The following UFSP2 variants were observed in gnomAD, a reference collection of about 807,000 sequenced individuals.
UFSP2 encodes the protein UFM1 specific peptidase 2, also known as ufm1-specific protease 2.
Under a neutral mutation model 60.2 loss-of-function variants are expected in UFSP2, and 43 were observed. That is an observed-to-expected ratio of 0.71 (90% CI 0.56 to 0.92). The LOEUF (loss-of-function observed/expected upper bound fraction) is 0.92. UFSP2 is among the 40% of genes least tolerant of loss of function. The pLI is 0.00. For synonymous variants in UFSP2, 183 were observed against 195.1 expected (o/e 0.94, Z 0.52); for missense variants, 520 against 575.0 (o/e 0.90, Z 0.98).
At chr4:185,419,307 T>C (rs551046979) in intron 2 of UFSP2, among the ~76,000 whole-genome samples, 47 of 152,234 alleles carry the variant, frequency 3.1e-4, no homozygotes, top group Admixed American at 5.2e-4. Flanking sequence ...AATTTTTGTA[T>C]TTTTAGTAGA....
At position 185,425,905 on chromosome 4, in the gene UFSP2, G is replaced by C; in HGVS notation, c.-37C>G. On this transcript the variant is annotated 5_prime_UTR_variant, in exon 1 of 12. Coordinates refer to ENST00000264689, the MANE Select transcript of UFSP2 (RefSeq NM_018359.5). Reference sequence around the variant, plus strand: ...GGCGGTGACACGGGCGCTGACGCCTGCCCAAAAGTTCCGGGGGCCGGCCCT... The same window carrying C: ...GGCGGTGACACGGGCGCTGACGCCTCCCCAAAAGTTCCGGGGGCCGGCCCT... The C allele has an allele frequency of 3.2e-6, 5 of 1,584,922 alleles. No homozygotes were observed. The highest frequency in any genetic ancestry group is 3.3e-4 in the Middle Eastern group (2 of 6,034).
At chr4:185,401,808 T>C (rs1442832600) in intron 11 of UFSP2, among the ~76,000 whole-genome samples, 2 of 152,246 alleles carry the variant, frequency 1.3e-5, no homozygotes, top group African/African-American at 2.4e-5. Flanking sequence ...GGACAATCCC[T>C]TACTCTAATT....
intron 6 of UFSP2, among the ~76,000 whole-genome samples, chr4:185,414,885 G>A (rs2095535647): frequency 6.6e-6 from 1 of 151,960 alleles, no homozygotes; most frequent in East Asian, 1.9e-4. Flanking sequence ...TTTCATTATG[G>A]AAAAATATTA....
At chr4:185,425,441 C>G (rs183361998) in intron 1 of UFSP2, among the ~76,000 whole-genome samples, 195 of 152,148 alleles carry the variant, frequency 1.3e-3, no homozygotes, top group Admixed American at 6.0e-3. Flanking sequence ...CTGAAGAGCA[C>G]CACCATTTAG....
intron 6 of UFSP2, among the ~76,000 whole-genome samples, chr4:185,414,092 G>T (rs558733438): frequency 1.3e-5 from 2 of 152,068 alleles, no homozygotes; most frequent in Admixed American, 6.6e-5. Flanking sequence ...GAAACTGGAA[G>T]GGAACAGAGA....
Position 185,399,818 on chromosome 4 carries a change from CTT to C in UFSP2, c.*572_*573del, listed in dbSNP as rs373948267. ...TGCTTTTTTCCTCCCGCAGTGATCT[CTT>C]GTTTGCATAGCATTTATTATTCCAT... On this transcript the variant is annotated 3_prime_UTR_variant, in exon 12 of 12. Coordinates refer to ENST00000264689, the MANE Select transcript of UFSP2 (RefSeq NM_018359.5). 2.8e-3 allele frequency: 4,453 copies of C among 1,610,346 alleles called. 106 individuals are homozygous for C. In the South Asian group the frequency reaches 0.039, roughly 14 times the overall value.
At chr4:185,424,140 CAAA>C (rs5864936) in intron 1 of UFSP2, among the ~76,000 whole-genome samples, 7 of 135,196 alleles carry the variant, frequency 5.2e-5, no homozygotes, top group East Asian at 4.3e-4. Flanking sequence ...CCATCTCTAC[CAAA>C]AAAAAAAAAA....
At chr4:185,422,751 G>T (rs1158683052) in intron 1 of UFSP2, among the ~76,000 whole-genome samples, 188 bp from the exon 2 acceptor site, 1 of 152,134 alleles carries the variant, frequency 6.6e-6, no homozygotes, top group Non-Finnish European at 1.5e-5. Context: ...TAAATCAGGG[G>T]TTCTCAACCT....
chr4:185,420,561 A>G (rs1269962865), intron 2 of UFSP2, among the ~76,000 whole-genome samples: 1 of 152,218 alleles, frequency 6.6e-6, no homozygotes, highest in East Asian at 1.9e-4. Context: ...CTTTGGAGCT[A>G]TTGTAGAGAT....
At position 185,420,588 on chromosome 4, in the gene UFSP2, G is replaced by A. The variant is rs528171399; in HGVS notation, c.83-1818C>T. ...TGTAGAGATTACTCATAACAAATCA[G>A]ATATTAAAATATTTTGATATGTTTC... On this transcript the variant is annotated intron_variant, in intron 2 of 11. Coordinates refer to ENST00000264689, the MANE Select transcript of UFSP2 (RefSeq NM_018359.5). Among the ~76,000 whole-genome samples the A allele has an allele frequency of 7.2e-5, 11 of 152,210 alleles. No homozygotes were observed. In the South Asian group the frequency reaches 1.9e-3, roughly 26 times the overall value.
At chr4:185,418,847 T>C (rs2067008391) in intron 2 of UFSP2, 77 bp from the exon 3 acceptor site, 2 of 1,158,896 alleles carry the variant, frequency 1.7e-6, no homozygotes, top group South Asian at 1.8e-5. Flanking sequence ...TACACAAAAG[T>C]AGAGCATAGT....
At chr4:185,402,102 T>TA (rs774453311) in intron 11 of UFSP2, among the ~76,000 whole-genome samples, 39 of 151,852 alleles carry the variant, frequency 2.6e-4, no homozygotes, top group Non-Finnish European at 4.9e-4. Context: ...GCACCTGAGA[T>TA]ACCATTTTTT....
chr4:185,418,768 T>A lies in UFSP2; in HGVS notation c.85A>T (p.Ile29Phe), dbSNP rs754997381. 1 of 1,585,420 alleles carries A rather than the reference T, an allele frequency of 6.3e-7. No individual in the cohort carries two copies. The highest frequency in any genetic ancestry group is 8.5e-7 in the Non-Finnish European group (1 of 1,171,772). Residue 29 changes from isoleucine to phenylalanine, a missense_variant and splice_region_variant, in exon 3 of 12, where the codon ATT becomes TTT. By Grantham distance (21) the Ile-to-Phe change is conservative. Coordinates refer to ENST00000264689, the MANE Select transcript of UFSP2 (RefSeq NM_018359.5). ...LAFQLATPNE[I>F]FLKKALKHVL... Reference sequence around the variant, plus strand: ...TGTTTCAGTGCCTTCTTGAGAAAAATTTCTAAATTAAAAGAATATAAATAG... The same window carrying A: ...TGTTTCAGTGCCTTCTTGAGAAAAAATTCTAAATTAAAAGAATATAAATAG...
At chr4:185,401,103 C>G (rs2095512670) in intron 11 of UFSP2, among the ~76,000 whole-genome samples, 1 of 152,136 alleles carries the variant, frequency 6.6e-6, no homozygotes, top group Non-Finnish European at 1.5e-5. Context: ...AACTTAAAAG[C>G]CAATAACTGG....
chr4:185,403,471 A>G, intron 11 of UFSP2, 23 bp downstream of exon 11: 2 of 1,606,202 alleles, frequency 1.2e-6, no homozygotes, highest in Non-Finnish European at 1.7e-6. Context: ...TTTTGTCTCA[A>G]TTTGTGTTAA....
chr4:185,422,225 T>C (rs2095550699), intron 2 of UFSP2, among the ~76,000 whole-genome samples: 1 of 152,256 alleles, frequency 6.6e-6, no homozygotes, highest in South Asian at 2.1e-4. Flanking sequence ...ATATTTACAT[T>C]TATTGTAACA....
chr4:185,406,968 T>G (rs530292111), intron 9 of UFSP2, among the ~76,000 whole-genome samples: 14 of 151,978 alleles, frequency 9.2e-5, no homozygotes, highest in Non-Finnish European at 2.1e-4. Context: ...GAGGACGATG[T>G]TACTGTAATT....
intron 11 of UFSP2, 90 bp from the exon 12 acceptor site, chr4:185,400,568 C>G: frequency 1.1e-6 from 1 of 898,550 alleles, no homozygotes; most frequent in Non-Finnish European, 1.7e-6. Context: ...TCAGCAGGAC[C>G]TTGGAATAAG....
intron 11 of UFSP2, among the ~76,000 whole-genome samples, chr4:185,401,977 G>GGT (rs1479370422): frequency 6.6e-6 from 1 of 152,184 alleles, no homozygotes; most frequent in Non-Finnish European, 1.5e-5. Flanking sequence ...GACTGAGCTT[G>GGT]GTGTGTCCTT....
Sources: gnomAD v4.1 joint callset for allele counts (sites outside exome capture counted in the v4.1 genomes callset) on GRCh38, gnomAD v4.1.1 for gene constraint, MANE v1.5 for transcripts, NCBI Gene and HGNC (gene_info 2026-07-23, HGNC 2026-07-21) for gene names.